ARID5B: variants seen among roughly 807,000 people sequenced by gnomAD.
The protein encoded by ARID5B is AT-rich interactive domain-containing protein 5B.
A neutral mutation model predicts 97.2 loss-of-function variants in ARID5B; 13 were observed. That is an observed-to-expected ratio of 0.13 (90% confidence interval 0.09 to 0.21). ARID5B has a LOEUF of 0.21. Among genes scored for constraint, ARID5B ranks in the 10% least tolerant of loss-of-function variants. The pLI is 1.00. For missense variants in ARID5B, 1,210 were observed against 1,465.3 expected (o/e 0.83, Z 2.84); for synonymous variants, 556 against 570.3 (o/e 0.97, Z 0.36).
intron 3 of ARID5B, among the ~76,000 whole-genome samples, chr10:61,984,284 G>A (rs1189293658): frequency 1.3e-5 from 2 of 152,240 alleles, no homozygotes; most frequent in Non-Finnish European, 2.9e-5. Flanking sequence ...CTCCCTGAGA[G>A]CAGGTGCTGT....
At chr10:61,920,331 T>G (rs1459491648) in intron 2 of ARID5B, among the ~76,000 whole-genome samples, 3 of 39,124 alleles carry the variant, frequency 7.7e-5, no homozygotes, top group East Asian at 3.9e-4. Flanking sequence ...GAATCTTTGT[T>G]TTTTTTTTTT....
At chr10:62,052,740 G>A (rs1839807039) in intron 5 of ARID5B, among the ~76,000 whole-genome samples, 1 of 152,220 alleles carries the variant, frequency 6.6e-6, no homozygotes, top group African/African-American at 2.4e-5. Context: ...AAGAAGGATA[G>A]AAGTCAGTCC....
chr10:62,089,098 A>G (rs1840331743), intron 9 of ARID5B, among the ~76,000 whole-genome samples: 1 of 152,212 alleles, frequency 6.6e-6, no homozygotes, highest in Non-Finnish European at 1.5e-5. Context: ...CTATAGCCCC[A>G]TAAGAAACTA....
At chr10:62,083,535 G>A (rs1840243391) in intron 8 of ARID5B, among the ~76,000 whole-genome samples, 1 of 152,016 alleles carries the variant, frequency 6.6e-6, no homozygotes, top group Non-Finnish European at 1.5e-5. Flanking sequence ...AGGTAATGCT[G>A]TCATTCTTCT....
At chr10:62,072,058 G>A (rs75574090) in intron 8 of ARID5B, among the ~76,000 whole-genome samples, 1 of 152,270 alleles carries the variant, frequency 6.6e-6, no homozygotes, top group East Asian at 1.9e-4. Flanking sequence ...TAGGGTGACA[G>A]AACAGAGAAG....
chr10:61,979,830 G>A (rs193234513), intron 3 of ARID5B, among the ~76,000 whole-genome samples: 170 of 152,322 alleles, frequency 1.1e-3, no homozygotes, highest in African/African-American at 3.8e-3. Context: ...GGTGGCTCAC[G>A]CCTGTAATCC....
intron 3 of ARID5B, among the ~76,000 whole-genome samples, chr10:61,949,930 AC>A (rs1232629290): frequency 3.3e-5 from 5 of 152,188 alleles, no homozygotes; most frequent in African/African-American, 1.2e-4. Flanking sequence ...AGATTGCCAA[AC>A]TTAGACCAGT....
chr10:61,905,890 A>G (rs1843699174), intron 2 of ARID5B, among the ~76,000 whole-genome samples: 2 of 152,340 alleles, frequency 1.3e-5, no homozygotes, highest in South Asian at 4.1e-4. Flanking sequence ...TTTAATGATG[A>G]TGGTGATGAT....
intron 3 of ARID5B, among the ~76,000 whole-genome samples, chr10:61,998,475 C>A (rs1670798081): frequency 6.6e-6 from 1 of 152,152 alleles, no homozygotes; most frequent in Non-Finnish European, 1.5e-5. Context: ...CTAAATTCAG[C>A]TTGATGTTGT....
intron 2 of ARID5B, among the ~76,000 whole-genome samples, chr10:61,919,321 C>A (rs1227499851): frequency 6.6e-6 from 1 of 152,062 alleles, no homozygotes; most frequent in Non-Finnish European, 1.5e-5. Context: ...TTAAAAACAC[C>A]CCTAACTTGA....
chr10:62,091,966 C>T lies in ARID5B; in HGVS notation c.2503C>T (p.Pro835Ser). 3 of 1,613,648 alleles carry T rather than the reference C, an allele frequency of 1.9e-6. No homozygotes were observed. The highest frequency in any genetic ancestry group is 1.7e-6 in the Non-Finnish European group (2 of 1,179,840). The stretch of plus-strand genomic sequence containing the variant: ...CTTCCTGGCTGACTTCTACTCGTCC[C>T]CTCATCTCCATAGCCTCTACAGACA... ...PSFLADFYSS[P>S]HLHSLYRHTE... is the part of the protein sequence containing the mutation. The change falls in exon 10 of 10, where the codon CCT (proline) becomes TCT (serine). Residue 835 changes from proline to serine, a missense_variant. Around this residue, in one of 8 missense-constraint regions of ARID5B, gnomAD observed 800 missense variants for 839.1 expected, o/e 0.95. Coordinates refer to ENST00000279873, the MANE Select transcript of ARID5B (RefSeq NM_032199.3).
At chr10:61,989,923 T>A (rs1004499452) in intron 3 of ARID5B, among the ~76,000 whole-genome samples, 2 of 152,168 alleles carry the variant, frequency 1.3e-5, no homozygotes, top group Non-Finnish European at 2.9e-5. Flanking sequence ...TTAGTGCTCA[T>A]AATAGGACTA....
chr10:61,933,626 C>A (rs191242241), intron 2 of ARID5B, among the ~76,000 whole-genome samples: 2 of 152,284 alleles, frequency 1.3e-5, no homozygotes, highest in East Asian at 1.9e-4. Flanking sequence ...TCCATCAGAA[C>A]CTTGGATGTC....
At chr10:62,064,512 T>TA (rs1234208198) in intron 7 of ARID5B, among the ~76,000 whole-genome samples, 3 of 152,230 alleles carry the variant, frequency 2.0e-5, no homozygotes, top group African/African-American at 7.2e-5. Context: ...ATACCAGAAT[T>TA]ATTTCATTCC....
chr10:61,954,313 C>T (rs10994987), intron 3 of ARID5B, among the ~76,000 whole-genome samples: 9,749 of 151,754 alleles, frequency 0.064, 406 homozygotes, highest in South Asian at 0.12. Context: ...GCCAAGATTG[C>T]GCCATTGCAC....
chr10:61,991,129 G>A (rs1449497392), intron 3 of ARID5B, among the ~76,000 whole-genome samples: 1 of 150,822 alleles, frequency 6.6e-6, no homozygotes, highest in Non-Finnish European at 1.5e-5. Context: ...TCTACCTTTT[G>A]GCTATTTTGT....
chr10:61,977,723 A>C (rs533770217), intron 3 of ARID5B, among the ~76,000 whole-genome samples: 6 of 151,904 alleles, frequency 3.9e-5, no homozygotes, highest in Non-Finnish European at 8.8e-5. Flanking sequence ...TTTTCCTTGT[A>C]AATTTGTTTG....
intron 2 of ARID5B, among the ~76,000 whole-genome samples, chr10:61,937,649 G>A (rs1489646940): frequency 3.9e-5 from 6 of 152,144 alleles, no homozygotes; most frequent in Admixed American, 3.9e-4. Context: ...TTTATCCAGT[G>A]CTAATTCTCA....
At chr10:61,973,858 T>C (rs1209105538) in intron 3 of ARID5B, among the ~76,000 whole-genome samples, 1 of 152,254 alleles carries the variant, frequency 6.6e-6, no homozygotes. Flanking sequence ...AGTTTGAAGA[T>C]GTAAGATGCT....
Sources: gnomAD v4.1 joint callset for allele counts (sites outside exome capture counted in the v4.1 genomes callset) on GRCh38, gnomAD v4.1.1 for gene constraint, gnomAD v4.1.1 regional missense constraint, MANE v1.5 for transcripts, NCBI Gene and HGNC (gene_info 2026-07-23, HGNC 2026-07-21) for gene names.